MAMDC2: variants seen among roughly 807,000 people sequenced by gnomAD.
The protein encoded by MAMDC2 is MAM domain containing 2.
MAMDC2 carries 57 observed loss-of-function variants against 89.8 expected under a neutral mutation model. The observed-to-expected ratio is 0.63, with a 90% CI of 0.51 to 0.79. MAMDC2 has a LOEUF of 0.79. Ranked by LOEUF, MAMDC2 falls within the 30% of genes least tolerant of loss-of-function variation. The pLI, the probability that MAMDC2 is intolerant of heterozygous loss-of-function variation, is 0.00. For missense variants in MAMDC2, 800 were observed against 820.6 expected (o/e 0.97, Z 0.31); for synonymous variants, 313 against 293.4 (o/e 1.07, Z -0.68).
intron 7 of MAMDC2, among the ~76,000 whole-genome samples, 182 bp downstream of exon 7, chr9:70,131,794 G>A (rs1405668691): frequency 1.3e-5 from 2 of 152,224 alleles, no homozygotes; most frequent in Admixed American, 6.5e-5. Flanking sequence ...CTCACAGAGG[G>A]AATCTAATGT....
chr9:70,183,532 A>G (rs1375337488), intron 11 of MAMDC2, among the ~76,000 whole-genome samples: 2 of 152,152 alleles, frequency 1.3e-5, no homozygotes, highest in Non-Finnish European at 2.9e-5. Context: ...GTACTCCTGT[A>G]TTTGGTGCAT....
intron 11 of MAMDC2, among the ~76,000 whole-genome samples, chr9:70,206,111 CTGCTT>C (rs1563999064): frequency 1.3e-5 from 2 of 152,152 alleles, no homozygotes; most frequent in Non-Finnish European, 2.9e-5. Context: ...TACATAGGTA[CTGCTT>C]TATGGAATAG....
intron 5 of MAMDC2, among the ~76,000 whole-genome samples, chr9:70,120,462 T>C (rs978792982): frequency 3.3e-5 from 5 of 152,060 alleles, no homozygotes; most frequent in African/African-American, 1.2e-4. Context: ...AGGGAAGCAA[T>C]CCCCTTGCCT....
chr9:70,167,150 CCT>C (rs368204034), intron 9 of MAMDC2, among the ~76,000 whole-genome samples: 116 of 152,094 alleles, frequency 7.6e-4, no homozygotes, highest in African/African-American at 2.6e-3. Context: ...AAAAATCCAC[CCT>C]GTTTTGTTTT....
At chr9:70,090,111 A>G (rs1827855984) in intron 2 of MAMDC2, among the ~76,000 whole-genome samples, 1 of 130,140 alleles carries the variant, frequency 7.7e-6, no homozygotes, top group African/African-American at 3.0e-5. Context: ...TTAAAAAAAT[A>G]GGCCAAGGAT....
At chr9:70,144,777 C>G (rs1035520770) in intron 9 of MAMDC2, among the ~76,000 whole-genome samples, 18 of 152,186 alleles carry the variant, frequency 1.2e-4, no homozygotes, top group Non-Finnish European at 2.1e-4. Flanking sequence ...CTTGGGGGAA[C>G]AGTAGAACCT....
chr9:70,046,613 G>T (rs547608826), intron 2 of MAMDC2, among the ~76,000 whole-genome samples: 1 of 152,344 alleles, frequency 6.6e-6, no homozygotes, highest in South Asian at 2.1e-4. Flanking sequence ...AAGTCTCTCT[G>T]CTGAGTTGGC....
At chr9:70,150,431 T>C (rs959884269) in intron 9 of MAMDC2, among the ~76,000 whole-genome samples, 1 of 152,210 alleles carries the variant, frequency 6.6e-6, no homozygotes, top group African/African-American at 2.4e-5. Context: ...TTTGTATTAG[T>C]TGGAATTTCT....
At chr9:70,089,637 G>C (rs936222746) in intron 2 of MAMDC2, among the ~76,000 whole-genome samples, 5 of 152,124 alleles carry the variant, frequency 3.3e-5, no homozygotes, top group African/African-American at 1.2e-4. Context: ...GTGGTGAGGA[G>C]AGAAGCTGGA....
At chr9:70,061,711 G>A (rs753144336) in intron 2 of MAMDC2, among the ~76,000 whole-genome samples, 2 of 152,144 alleles carry the variant, frequency 1.3e-5, no homozygotes, top group Non-Finnish European at 2.9e-5. Flanking sequence ...TGAGCAAAAT[G>A]ACAAAATTTT....
intron 11 of MAMDC2, among the ~76,000 whole-genome samples, chr9:70,180,504 T>C (rs1056672175): frequency 2.0e-5 from 3 of 152,196 alleles, no homozygotes; most frequent in African/African-American, 4.8e-5. Flanking sequence ...TTCCTATTTT[T>C]CCACATCCTC....
chr9:70,199,401 T>C (rs2033049491), intron 11 of MAMDC2, among the ~76,000 whole-genome samples: 1 of 147,348 alleles, frequency 6.8e-6, no homozygotes, highest in Non-Finnish European at 1.5e-5. Context: ...TATGGCTGCA[T>C]AGTATTCCAT....
At chr9:70,154,384 CTAAGA>C in intron 9 of MAMDC2, 1 of 152,212 alleles carries the variant, frequency 6.6e-6, no homozygotes, top group Non-Finnish European at 1.5e-5. Flanking sequence ...CTGCCTTTGG[CTAAGA>C]TAAACTATAA....
intron 2 of MAMDC2, among the ~76,000 whole-genome samples, chr9:70,060,075 G>T (rs1167365111): frequency 6.6e-6 from 1 of 152,124 alleles, no homozygotes; most frequent in African/African-American, 2.4e-5. Context: ...CTTTCACTAG[G>T]ACATTGGCTC....
chr9:70,108,139 A>C, intron 2 of MAMDC2, 72 bp from the exon 3 acceptor site: 1 of 1,387,462 alleles, frequency 7.2e-7, no homozygotes, highest in Non-Finnish European at 9.8e-7. Flanking sequence ...AGATTTACTT[A>C]ACTGCAGTTA....
intron 2 of MAMDC2, among the ~76,000 whole-genome samples, chr9:70,049,200 G>A (rs141263749): frequency 6.6e-6 from 1 of 152,204 alleles, no homozygotes; most frequent in African/African-American, 2.4e-5. Flanking sequence ...TACAGGGTTG[G>A]GCATCATGAA....
Position 70,143,559 on chromosome 9 carries a change from T to C in MAMDC2, c.1144T>C (p.Tyr382His), listed in dbSNP as rs896994865. Residue 382 changes from tyrosine to histidine, a missense_variant, in exon 9 of 14, where the codon TAC becomes CAC. Transcript: ENST00000377182. Reference protein sequence around the residue: ...AGDHTTGLGYYLLANTKFTSQ... With the variant: ...AGDHTTGLGYHLLANTKFTSQ... ...ATGCTTTATCTTCTTTGCAGGGTAT[T>C]ACCTGCTAGCCAACACAAAGTTCAC... 4 of 1,614,084 alleles carry C rather than the reference T, an allele frequency of 2.5e-6. No homozygotes were observed. Among genetic ancestry groups the C allele is most frequent in the African/African-American group, 2.7e-5 (2 of 75,060 alleles).
chr9:70,137,869 T>G (rs910518738), intron 7 of MAMDC2, among the ~76,000 whole-genome samples: 20 of 152,122 alleles, frequency 1.3e-4, no homozygotes, highest in African/African-American at 4.6e-4. Context: ...TACAAGCCAA[T>G]TGTTGATAGG....
chr9:70,205,642 ACCCTG>A (rs2033209289), intron 11 of MAMDC2, among the ~76,000 whole-genome samples: 1 of 152,136 alleles, frequency 6.6e-6, no homozygotes, highest in African/African-American at 2.4e-5. Context: ...AACAGAGGGG[ACCCTG>A]ATCTCCCAAT....
Sources: allele counts gnomAD v4.1 joint callset (sites outside exome capture counted in the v4.1 genomes callset), GRCh38; gene constraint gnomAD v4.1.1; transcripts MANE v1.5; gene names NCBI Gene and HGNC (gene_info 2026-07-23, HGNC 2026-07-21).